Variants in DACH2 observed in about 807,000 individuals in gnomAD.
DACH2 encodes dachshund family transcription factor 2, also known as dachshund homolog 2.
In DACH2, 17 loss-of-function variants were observed where a neutral mutation model predicts 35.8. The observed-to-expected ratio is 0.48, with a 90% CI of 0.33 to 0.71. The LOEUF (loss-of-function observed/expected upper bound fraction) is 0.71, where lower values mean the gene tolerates loss of function less well. Among genes scored for constraint, DACH2 ranks in the 30% least tolerant of loss-of-function variants. The pLI is 0.02. For synonymous variants in DACH2, 195 were observed against 177.3 expected (o/e 1.10, Z -0.79); for missense variants, 469 against 472.7 (o/e 0.99, Z 0.07).
intron 1 of DACH2, among the ~76,000 whole-genome samples, chrX:86,276,427 A>C (rs192039769): frequency 9.0e-5 from 10 of 111,698 alleles, no homozygotes; most frequent in Admixed American, 2.8e-4. Context: ...TATTCTTCTT[A>C]TTAATTCCTT....
chrX:86,209,746 A>C (rs2032401902), intron 1 of DACH2, among the ~76,000 whole-genome samples: 1 of 111,270 alleles, frequency 9.0e-6, no homozygotes, highest in African/African-American at 3.3e-5. Flanking sequence ...CTTGTGTATC[A>C]TGGTCCAGCA....
At chrX:86,504,067 G>A (rs1037406661) in intron 2 of DACH2, among the ~76,000 whole-genome samples, 5 of 93,701 alleles carry the variant, frequency 5.3e-5, no homozygotes, top group Non-Finnish European at 1.1e-4. Flanking sequence ...GGAAAATTTT[G>A]CTCAAAGATG....
At chrX:86,337,315 A>G (rs765916137) in intron 1 of DACH2, among the ~76,000 whole-genome samples, 4 of 112,182 alleles carry the variant, frequency 3.6e-5, no homozygotes, top group African/African-American at 9.7e-5. Flanking sequence ...AAATGTTAAG[A>G]GCAGCCAGTG....
intron 3 of DACH2, among the ~76,000 whole-genome samples, chrX:86,567,154 T>A (rs2039303525): frequency 9.0e-6 from 1 of 111,611 alleles, no homozygotes; most frequent in African/African-American, 3.2e-5. Context: ...TCAAAACAGA[T>A]GTGGTTTAAG....
At chrX:86,761,224 G>A (rs2041878360) in intron 7 of DACH2, among the ~76,000 whole-genome samples, 1 of 109,990 alleles carries the variant, frequency 9.1e-6, no homozygotes, top group Admixed American at 9.7e-5. Flanking sequence ...GCCCCAGTGT[G>A]TGATGTTCCC....
At chrX:86,283,550 A>G (rs1242162402) in intron 1 of DACH2, among the ~76,000 whole-genome samples, 2 of 111,350 alleles carry the variant, frequency 1.8e-5, no homozygotes, top group Non-Finnish European at 3.8e-5. Context: ...ATGCAGCTGT[A>G]AAAAAGGATG....
intron 5 of DACH2, among the ~76,000 whole-genome samples, chrX:86,706,559 T>C (rs771877571): frequency 9.0e-6 from 1 of 110,595 alleles, no homozygotes; most frequent in African/African-American, 3.3e-5. Context: ...CTTAAATTCA[T>C]GTGGAACATT....
intron 6 of DACH2, among the ~76,000 whole-genome samples, chrX:86,723,393 A>C (rs752728900): frequency 9.7e-6 from 1 of 103,315 alleles, no homozygotes; most frequent in East Asian, 3.0e-4. Flanking sequence ...TTAGGTTGAT[A>C]ATTTGTAAGC....
At chrX:86,763,846 T>G in intron 7 of DACH2, among the ~76,000 whole-genome samples, 1 of 111,975 alleles carries the variant, frequency 8.9e-6, no homozygotes, top group Middle Eastern at 4.6e-3. Flanking sequence ...TTGTGAAAAT[T>G]CATTGACTTG....
chrX:86,831,486 A>G (rs2042610912), intron 11 of DACH2: 1 of 111,694 alleles, frequency 9.0e-6, no homozygotes, highest in Non-Finnish European at 1.9e-5. Context: ...TGACAAAAAG[A>G]GGTAGAATAA....
chrX:86,345,028 C>G (rs1324014529), intron 1 of DACH2, among the ~76,000 whole-genome samples: 1 of 112,122 alleles, frequency 8.9e-6, no homozygotes, highest in Admixed American at 9.5e-5. Flanking sequence ...AGCAGTATTA[C>G]AATTGTATTA....
At chrX:86,517,996 C>A (rs975035188) in intron 3 of DACH2, among the ~76,000 whole-genome samples, 2 of 111,336 alleles carry the variant, frequency 1.8e-5, no homozygotes, top group African/African-American at 6.5e-5. Context: ...GATGGTATTG[C>A]CTTGGTTGTC....
intron 1 of DACH2, among the ~76,000 whole-genome samples, chrX:86,221,142 T>C (rs761305458): frequency 9.0e-6 from 1 of 111,582 alleles, no homozygotes; most frequent in East Asian, 2.8e-4. Context: ...CCAAGACCAA[T>C]TCCATGATGC....
rs553794878 is a variant in DACH2 at position 86,503,143 on chromosome X, G to A, written c.528-11136G>A. ...ATTCCCTCATGTAAATTTCAAAGAGGTTTTTAATATGTTTTCTATTCTCTT... is the reference window on the plus strand; with the variant it reads ...ATTCCCTCATGTAAATTTCAAAGAGATTTTTAATATGTTTTCTATTCTCTT... On this transcript the variant is annotated intron_variant, in intron 2 of 11. Coordinates refer to ENST00000373125, the MANE Select transcript of DACH2 (RefSeq NM_053281.3). Among the ~76,000 whole-genome samples the A allele has an allele frequency of 5.0e-4, 56 of 112,095 alleles. No homozygotes were observed. In the South Asian group the frequency reaches 0.021, roughly 42 times the overall value.
chrX:86,576,857 T>C (rs2039441844), intron 3 of DACH2, among the ~76,000 whole-genome samples: 1 of 110,599 alleles, frequency 9.0e-6, no homozygotes, highest in Non-Finnish European at 1.9e-5. Context: ...TCTCCCTCTC[T>C]CACTTCCTCC....
chrX:86,787,230 G>A (rs903514002), intron 7 of DACH2, among the ~76,000 whole-genome samples: 4 of 112,243 alleles, frequency 3.6e-5, no homozygotes, highest in Non-Finnish European at 7.5e-5. Context: ...CAACATAGAA[G>A]CATGTTTCTA....
At chrX:86,566,517 C>T (rs1212451188) in intron 3 of DACH2, among the ~76,000 whole-genome samples, 3 of 111,187 alleles carry the variant, frequency 2.7e-5, no homozygotes, top group Non-Finnish European at 5.7e-5. Flanking sequence ...TTTTCAGGAA[C>T]AGAAAATAAG....
chrX:86,569,191 A>C (rs1401959692), intron 3 of DACH2, among the ~76,000 whole-genome samples: 1 of 111,010 alleles, frequency 9.0e-6, no homozygotes, highest in Non-Finnish European at 1.9e-5. Context: ...CTTTTCCCAA[A>C]GTAAGTTAGA....
intron 1 of DACH2, among the ~76,000 whole-genome samples, chrX:86,203,574 C>T (rs751786931): frequency 1.8e-5 from 2 of 111,298 alleles, no homozygotes; most frequent in Admixed American, 9.6e-5. Flanking sequence ...TGGAAGCAAC[C>T]GAATTGTTTA....
Sources: gnomAD v4.1 joint callset for allele counts (sites outside exome capture counted in the v4.1 genomes callset) on GRCh38, gnomAD v4.1.1 for gene constraint, MANE v1.5 for transcripts, NCBI Gene and HGNC (gene_info 2026-07-23, HGNC 2026-07-21) for gene names.